Variants in RANBP2 observed in about 807,000 individuals in gnomAD.
The protein encoded by RANBP2 is E3 SUMO-protein ligase RanBP2.
In RANBP2, 57 loss-of-function variants were observed where a neutral mutation model predicts 303.6. The ratio of observed to expected loss-of-function variants is 0.19; its 90% CI spans 0.15 to 0.23. The LOEUF (loss-of-function observed/expected upper bound fraction) is 0.23, where lower values mean the gene tolerates loss of function less well. Among genes scored for constraint, RANBP2 ranks in the 10% least tolerant of loss-of-function variants. The pLI, the probability that RANBP2 is intolerant of heterozygous loss-of-function variation, is 1.00. For synonymous variants in RANBP2, 1,167 were observed against 1,301.5 expected (o/e 0.90, Z 2.23); for missense variants, 3,138 against 3,780.8 (o/e 0.83, Z 4.46).
At chr2:109,609,396 C>T in the RANBP2 span, among the ~76,000 whole-genome samples, 1 of 151,916 alleles carries the variant, frequency 6.6e-6, no homozygotes, top group Admixed American at 6.6e-5. Context: ...GAAAAAAATG[C>T]AGAGTTTACT....
chr2:108,924,429 A>G, the RANBP2 span, among the ~76,000 whole-genome samples: 1 of 152,230 alleles, frequency 6.6e-6, no homozygotes. Flanking sequence ...AGCGGAGAGC[A>G]TGGAGCCATT....
chr2:108,845,258 T>C, the RANBP2 span, among the ~76,000 whole-genome samples: 11 of 152,194 alleles, frequency 7.2e-5, no homozygotes, highest in Non-Finnish European at 1.6e-4. Context: ...GACAATATAT[T>C]TAAATTAGAT....
chr2:109,008,443 A>G, the RANBP2 span, among the ~76,000 whole-genome samples: 2 of 152,196 alleles, frequency 1.3e-5, no homozygotes, highest in African/African-American at 2.4e-5. Context: ...AACAAGCTCA[A>G]TATTTTAACA....
In RANBP2 at chr2:108,719,548, C is replaced by T. The variant is rs552611730; in HGVS notation, c.-59C>T. 39 of 1,563,580 alleles carry T rather than the reference C, an allele frequency of 2.5e-5. No individual in the cohort carries two copies. Among genetic ancestry groups the T allele is most frequent in the Admixed American group, 3.8e-5 (2 of 52,006 alleles). On this transcript the variant is annotated 5_prime_UTR_variant, in exon 1 of 29. Transcript: ENST00000283195. The stretch of plus-strand genomic sequence containing the variant: ...GCAGGCGCTTTCCTCTTGGAAGTGG[C>T]GACTGCTGCGGGCCTGAGCGCTGGT...
the RANBP2 span, among the ~76,000 whole-genome samples, chr2:108,868,707 C>T: frequency 6.6e-6 from 1 of 152,078 alleles, no homozygotes; most frequent in African/African-American, 2.4e-5. Context: ...GCACTCATTC[C>T]CATACTGTCC....
At chr2:109,732,336 T>C in the RANBP2 span, among the ~76,000 whole-genome samples, 1 of 152,184 alleles carries the variant, frequency 6.6e-6, no homozygotes, top group Non-Finnish European at 1.5e-5. Flanking sequence ...CTTTGTTTAC[T>C]GTGAAGCCCT....
the RANBP2 span, among the ~76,000 whole-genome samples, chr2:109,276,085 C>T: frequency 6.6e-6 from 1 of 152,110 alleles, no homozygotes; most frequent in Non-Finnish European, 1.5e-5. Flanking sequence ...GTGCTCTTCC[C>T]AGGAAGGGGG....
At chr2:109,596,477 C>T in the RANBP2 span, among the ~76,000 whole-genome samples, 2 of 151,910 alleles carry the variant, frequency 1.3e-5, no homozygotes, top group Admixed American at 6.6e-5. Flanking sequence ...ATTAGCCGAG[C>T]GTGCTGGCAG....
At chr2:109,005,783 C>G in the RANBP2 span, among the ~76,000 whole-genome samples, 1 of 152,236 alleles carries the variant, frequency 6.6e-6, no homozygotes, top group African/African-American at 2.4e-5. Flanking sequence ...CTTCCATGCT[C>G]TGGCTTTTGG....
chr2:108,839,158 A>G, the RANBP2 span: 4 of 1,581,776 alleles, frequency 2.5e-6, no homozygotes, highest in Non-Finnish European at 3.4e-6. Flanking sequence ...GTGCCTTTGT[A>G]TTTATTTTCC....
rs1678299948 is a variant in RANBP2, at chr2:108,782,187, T to G, written c.8820T>G (p.Leu2940=). The G allele has an allele frequency of 1.2e-6, 2 of 1,614,114 alleles. No individual in the cohort carries two copies. Among genetic ancestry groups the G allele is most frequent in the Non-Finnish European group, 1.7e-6 (2 of 1,180,006 alleles). Residue 2940 remains leucine, a synonymous_variant, in exon 27 of 29, where the codon CTT becomes CTG. Transcript: ENST00000283195. ...TTTTGTTTAAAGAGAGAGCCAAACT[T>G]TATAGATGGGATCGGGATGTCAGTC... ...EEILFKERAK[L]YRWDRDVSQW...
At chr2:109,443,462 T>C in the RANBP2 span, among the ~76,000 whole-genome samples, 2 of 152,226 alleles carry the variant, frequency 1.3e-5, no homozygotes, top group African/African-American at 4.8e-5. Flanking sequence ...CATGAATGTC[T>C]GAAAATAACT....
the RANBP2 span, among the ~76,000 whole-genome samples, chr2:109,290,346 G>A: frequency 6.6e-6 from 1 of 152,214 alleles, no homozygotes; most frequent in Non-Finnish European, 1.5e-5. Flanking sequence ...GAGTAAATGA[G>A]TGATAAGAGA....
the RANBP2 span, among the ~76,000 whole-genome samples, chr2:109,531,346 G>A: frequency 6.6e-6 from 1 of 152,184 alleles, no homozygotes; most frequent in Non-Finnish European, 1.5e-5. Context: ...AACTGCAGAG[G>A]TGCCAGCTGT....
At chr2:109,222,072 A>G in the RANBP2 span, among the ~76,000 whole-genome samples, 7 of 152,308 alleles carry the variant, frequency 4.6e-5, no homozygotes, top group East Asian at 1.4e-3. Context: ...GCAGGTGGTT[A>G]TGGTAAATGA....
chr2:109,379,097 G>A, the RANBP2 span, among the ~76,000 whole-genome samples: 1 of 152,210 alleles, frequency 6.6e-6, no homozygotes, highest in Non-Finnish European at 1.5e-5. Context: ...CGCCGCTCTT[G>A]GTGATTGCTG....
chr2:108,763,658 A>G lies in RANBP2; in HGVS notation c.3119A>G (p.Asn1040Ser). 1 of 1,614,150 alleles carries G rather than the reference A, an allele frequency of 6.2e-7. No homozygotes were observed. Among genetic ancestry groups the G allele is most frequent in the Non-Finnish European group, 8.5e-7 (1 of 1,179,998 alleles). The change falls in exon 20 of 29, where the codon AAT becomes AGT. Residue 1040 changes from asparagine to serine, a missense_variant. Around this residue, in one of 20 missense-constraint regions of RANBP2, gnomAD observed 403 missense variants for 376.7 expected, o/e 1.07. Transcript: ENST00000283195. ...PFKFNSNFKS[N>S]DGDFTFSSPQ... ...AAATTTAACTCAAATTTCAAATCAA[A>G]TGATGGTGACTTCACGTTTTCCTCA...
At chr2:109,349,029 C>G in the RANBP2 span, among the ~76,000 whole-genome samples, 1 of 152,194 alleles carries the variant, frequency 6.6e-6, no homozygotes, top group African/African-American at 2.4e-5. Context: ...TTCTCTCTCT[C>G]TCTCTCTCAC....
the RANBP2 span, among the ~76,000 whole-genome samples, chr2:109,178,465 A>G: frequency 6.5e-4 from 99 of 152,310 alleles, 1 homozygote; most frequent in Non-Finnish European, 2.1e-4. Context: ...CAGGTCCTCC[A>G]GAGATATTAT....
Sources: allele counts gnomAD v4.1 joint callset (sites outside exome capture counted in the v4.1 genomes callset), GRCh38; gene constraint gnomAD v4.1.1; regional missense constraint gnomAD v4.1.1; transcripts MANE v1.5; gene names NCBI Gene and HGNC (gene_info 2026-07-23, HGNC 2026-07-21).